EXOC6B: variants seen among roughly 807,000 people sequenced by gnomAD.
The protein encoded by EXOC6B is exocyst complex component 6B.
EXOC6B carries 54 observed loss-of-function variants against 113.5 expected under a neutral mutation model. The ratio of observed to expected loss-of-function variants is 0.48; its 90% confidence interval spans 0.38 to 0.60. The LOEUF is 0.60. Ranked by LOEUF, EXOC6B falls within the 20% of genes least tolerant of loss-of-function variation. The pLI, the probability that EXOC6B is intolerant of heterozygous loss-of-function variation, is 0.00. For missense variants in EXOC6B, 797 were observed against 977.5 expected (o/e 0.82, Z 2.46); for synonymous variants, 357 against 339.0 (o/e 1.05, Z -0.58).
intron 20 of EXOC6B, among the ~76,000 whole-genome samples, chr2:72,319,016 G>A (rs1687695122): frequency 6.6e-6 from 1 of 151,534 alleles, no homozygotes; most frequent in African/African-American, 2.4e-5. Flanking sequence ...TTAAGAATCA[G>A]CAATAGATTT....
intron 6 of EXOC6B, among the ~76,000 whole-genome samples, chr2:72,667,312 A>G (rs749652027): frequency 6.6e-5 from 10 of 152,260 alleles, no homozygotes; most frequent in Non-Finnish European, 8.8e-5. Context: ...AAAGCAATTT[A>G]CAGATTCAAC....
At chr2:72,715,848 C>T (rs1478781149) in intron 6 of EXOC6B, among the ~76,000 whole-genome samples, 3 of 152,068 alleles carry the variant, frequency 2.0e-5, no homozygotes, top group Non-Finnish European at 4.4e-5. Context: ...GAGGGTTGAG[C>T]ATCCCTGGAA....
chr2:72,413,164 T>C (rs1573065302), intron 18 of EXOC6B, among the ~76,000 whole-genome samples: 1 of 151,510 alleles, frequency 6.6e-6, no homozygotes, highest in East Asian at 2.0e-4. Context: ...GGTTTCACCA[T>C]GTTAGCCAGG....
At chr2:72,807,001 T>G (rs1039699595) in intron 1 of EXOC6B, among the ~76,000 whole-genome samples, 1 of 152,238 alleles carries the variant, frequency 6.6e-6, no homozygotes, top group Non-Finnish European at 1.5e-5. Context: ...TAGTTTCTTT[T>G]AATGCACAGA....
intron 6 of EXOC6B, among the ~76,000 whole-genome samples, chr2:72,666,822 CAA>C (rs1491213949): frequency 0.056 from 7,968 of 141,248 alleles, 230 homozygotes; most frequent in Non-Finnish European, 0.073. Flanking sequence ...CACACACACA[CAA>C]AGAAATGCCT....
chr2:72,639,759 T>G (rs1011578473), intron 6 of EXOC6B, among the ~76,000 whole-genome samples: 3 of 152,206 alleles, frequency 2.0e-5, no homozygotes, highest in Non-Finnish European at 2.9e-5. Context: ...GAGCTAAGTG[T>G]TGGCCCCCTA....
At chr2:72,823,245 T>C (rs907322857) in intron 1 of EXOC6B, among the ~76,000 whole-genome samples, 2 of 144,860 alleles carry the variant, frequency 1.4e-5, no homozygotes, top group African/African-American at 5.1e-5. Context: ...TGGTAATGAG[T>C]CTCAAACTTT....
chr2:72,511,043 G>A (rs918973360), intron 11 of EXOC6B, among the ~76,000 whole-genome samples: 1 of 152,016 alleles, frequency 6.6e-6, no homozygotes, highest in Non-Finnish European at 1.5e-5. Context: ...AAAAATGTCA[G>A]ATCAAGTCCT....
Position 72,620,160 on chromosome 2 carries a change from G to A in EXOC6B, c.670-44492C>T, listed in dbSNP as rs566017396. Among the ~76,000 whole-genome samples, 8 of 152,314 alleles carry A rather than the reference G, an allele frequency of 5.3e-5. No individual in the cohort carries two copies. In the South Asian group the frequency reaches 1.4e-3, roughly 28 times the overall value. On this transcript the variant is annotated intron_variant, in intron 6 of 21. Coordinates refer to ENST00000272427, the MANE Select transcript of EXOC6B (RefSeq NM_015189.3). ...GTCAGTGCCTCCCAAAGGGATATGG[G>A]CAGCCTCTGCAGCCCAGGCTGAGTG...
chr2:72,245,824 T>A (rs1434897094), intron 20 of EXOC6B, among the ~76,000 whole-genome samples: 1 of 152,202 alleles, frequency 6.6e-6, no homozygotes, highest in Non-Finnish European at 1.5e-5. Context: ...CACTCATCAA[T>A]TTTAAAAAGT....
At chr2:72,390,123 T>C (rs189590825) in intron 18 of EXOC6B, among the ~76,000 whole-genome samples, 5 of 152,306 alleles carry the variant, frequency 3.3e-5, no homozygotes, top group Non-Finnish European at 7.4e-5. Flanking sequence ...AATTCTCCTC[T>C]ATACGTCAGT....
At chr2:72,460,348 T>C (rs1008228641) in intron 18 of EXOC6B, among the ~76,000 whole-genome samples, 3 of 151,756 alleles carry the variant, frequency 2.0e-5, no homozygotes, top group Non-Finnish European at 2.9e-5. Flanking sequence ...AAAGACAAAA[T>C]TGACAAATGG....
intron 6 of EXOC6B, among the ~76,000 whole-genome samples, chr2:72,662,952 C>T (rs60928692): frequency 5.1e-4 from 77 of 152,226 alleles, no homozygotes; most frequent in Middle Eastern, 3.4e-3. Flanking sequence ...ATCTCCTGAC[C>T]TTGTGATCTG....
chr2:72,388,235 T>C lies in EXOC6B; in HGVS notation c.1981-8365A>G, dbSNP rs73943352. On this transcript the variant is annotated intron_variant, in intron 18 of 21. Transcript: ENST00000272427. ...ATTAATTGCATCCCACAAATTGTGA[T>C]AAGTAGTGTTTTCATTTTTCTTCAG... is the stretch of plus-strand genomic sequence containing the variant. Among the ~76,000 whole-genome samples the C allele has an allele frequency of 1.9e-3, 288 of 152,342 alleles. 1 individual carries two copies. The highest frequency in any genetic ancestry group is 6.2e-3 in the African/African-American group (257 of 41,586).
intron 20 of EXOC6B, among the ~76,000 whole-genome samples, chr2:72,275,112 G>A (rs1031266595): frequency 4.6e-5 from 7 of 152,088 alleles, no homozygotes; most frequent in Non-Finnish European, 8.8e-5. Context: ...GATAACTGTA[G>A]CACCATTATT....
chr2:72,641,620 C>G (rs1457675224), intron 6 of EXOC6B, among the ~76,000 whole-genome samples: 1 of 152,252 alleles, frequency 6.6e-6, no homozygotes, highest in Non-Finnish European at 1.5e-5. Context: ...GTATAGACCC[C>G]ACCTCTGGGA....
At chr2:72,242,611 A>G (rs1017134644) in intron 20 of EXOC6B, among the ~76,000 whole-genome samples, 2 of 152,262 alleles carry the variant, frequency 1.3e-5, no homozygotes, top group Admixed American at 1.3e-4. Context: ...AGTAACAGAT[A>G]TGGTAGATAT....
At chr2:72,763,841 G>C (rs942558460) in intron 1 of EXOC6B, among the ~76,000 whole-genome samples, 3 of 152,150 alleles carry the variant, frequency 2.0e-5, no homozygotes, top group Admixed American at 6.5e-5. Context: ...AGCAGCTTGA[G>C]AGGCCAAGGC....
chr2:72,353,775 TA>T (rs894668893), intron 19 of EXOC6B, among the ~76,000 whole-genome samples: 13 of 152,188 alleles, frequency 8.5e-5, no homozygotes, highest in African/African-American at 2.7e-4. Flanking sequence ...TATACTATTT[TA>T]ACTGTGACAA....
Sources: allele counts gnomAD v4.1 joint callset (sites outside exome capture counted in the v4.1 genomes callset), GRCh38; gene constraint gnomAD v4.1.1; transcripts MANE v1.5; gene names NCBI Gene and HGNC (gene_info 2026-07-23, HGNC 2026-07-21).